Variants in ANTXR2 observed in about 807,000 individuals in gnomAD.
The protein encoded by ANTXR2 is ANTXR cell adhesion molecule 2, also known as anthrax toxin receptor 2.
Under a neutral mutation model 73.7 loss-of-function variants are expected in ANTXR2, and 44 were observed. The ratio of observed to expected loss-of-function variants is 0.60; its 90% CI spans 0.47 to 0.77. The LOEUF (loss-of-function observed/expected upper bound fraction) is 0.77, where lower values mean the gene tolerates loss of function less well. ANTXR2 is among the 30% of genes least tolerant of loss of function. The pLI is 0.00. For synonymous variants in ANTXR2, 217 were observed against 205.9 expected, an observed-to-expected ratio of 1.05 and a Z score of -0.46; for missense variants, 604 against 592.5, an observed-to-expected ratio of 1.02 and a Z score of -0.20.
intron 16 of ANTXR2, among the ~76,000 whole-genome samples, chr4:79,962,263 A>T (rs1436421280): frequency 6.6e-6 from 1 of 152,216 alleles, no homozygotes; most frequent in East Asian, 1.9e-4. Flanking sequence ...AGTTATAAAC[A>T]TGCTATATGC....
chr4:79,947,885 T>A (rs1455462686), intron 16 of ANTXR2, among the ~76,000 whole-genome samples: 1 of 152,150 alleles, frequency 6.6e-6, no homozygotes, highest in African/African-American at 2.4e-5. Flanking sequence ...TACCTTTTCA[T>A]TACTGTTATA....
chr4:79,993,760 G>GCGCGCGCGCACACACA (rs71662888), intron 12 of ANTXR2, among the ~76,000 whole-genome samples: 2,258 of 140,740 alleles, frequency 0.016, 32 homozygotes, highest in East Asian at 0.084. Flanking sequence ...ACACACACAC[G>GCGCGCGCGCACACACA]CACACACACA....
chr4:80,061,018 T>C (rs182655592), intron 3 of ANTXR2, among the ~76,000 whole-genome samples: 1 of 152,298 alleles, frequency 6.6e-6, no homozygotes. Context: ...GGAGTTCAGC[T>C]AAGACTGTTA....
intron 12 of ANTXR2, among the ~76,000 whole-genome samples, chr4:79,993,966 T>C (rs1256748080): frequency 6.6e-6 from 1 of 151,920 alleles, no homozygotes; most frequent in African/African-American, 2.4e-5. Flanking sequence ...TGGTCAATAT[T>C]TCAGTGTGGT....
At chr4:80,008,400 T>G (rs1042664823) in intron 12 of ANTXR2, 121 bp downstream of exon 12, 1 of 673,536 alleles carries the variant, frequency 1.5e-6, no homozygotes, top group African/African-American at 1.9e-5. Flanking sequence ...TGAAGACAAT[T>G]AAAATTCATT....
At position 79,978,388 on chromosome 4, in the gene ANTXR2, T is replaced by G. The variant is rs1020327050; in HGVS notation, c.1180-214A>C. Among the ~76,000 whole-genome samples the G allele has an allele frequency of 2.6e-5, 4 of 152,170 alleles. No individual in the cohort carries two copies. The East Asian group carries it at 7.7e-4, about 29-fold the overall frequency. ...AAGATCCAAAAAAAAAAAAAACCCT[T>G]TGTAAAAAAATCTGGAGCCAACTAA... On this transcript the variant is annotated intron_variant, in intron 14 of 16. Coordinates refer to ENST00000403729, the MANE Select transcript of ANTXR2 (RefSeq NM_058172.6).
At chr4:79,973,188 T>A (rs1024352781) in intron 16 of ANTXR2, among the ~76,000 whole-genome samples, 1 of 152,224 alleles carries the variant, frequency 6.6e-6, no homozygotes, top group Non-Finnish European at 1.5e-5. Context: ...TATGGTTTCC[T>A]AATACATACT....
chr4:80,028,981 G>T (rs1010450873), intron 10 of ANTXR2, among the ~76,000 whole-genome samples: 1 of 152,088 alleles, frequency 6.6e-6, no homozygotes, highest in African/African-American at 2.4e-5. Flanking sequence ...ATCCAGGAAA[G>T]GAAGACAAAA....
Position 80,024,082 on chromosome 4 carries a change from T to C in ANTXR2, c.867-5106A>G, listed in dbSNP as rs76161389. ...TAGAATTGAACTAAAATAGTGGCAA[T>C]GAGGTTAGTGTGAAAACAAAAACTG... is the stretch of plus-strand genomic sequence containing the variant. On this transcript the variant is annotated intron_variant, in intron 10 of 16. Coordinates refer to ENST00000403729, the MANE Select transcript of ANTXR2 (RefSeq NM_058172.6). Among the ~76,000 whole-genome samples the C allele has an allele frequency of 6.8e-3, 1,030 of 152,196 alleles. 8 individuals are homozygous for C. The highest frequency in any genetic ancestry group is 0.023 in the African/African-American group (970 of 41,510).
At chr4:79,989,192 A>G (rs994443435) in intron 12 of ANTXR2, among the ~76,000 whole-genome samples, 1 of 152,022 alleles carries the variant, frequency 6.6e-6, no homozygotes, top group Non-Finnish European at 1.5e-5. Context: ...ACAAAAGATC[A>G]GCAAAATCAA....
At chr4:80,025,439 T>C (rs148419461) in intron 10 of ANTXR2, among the ~76,000 whole-genome samples, 12 of 152,296 alleles carry the variant, frequency 7.9e-5, no homozygotes, top group Non-Finnish European at 1.3e-4. Flanking sequence ...CAATAAAAGA[T>C]TGTCATTTTA....
chr4:79,931,508 A>T (rs1728057282), intron 16 of ANTXR2, among the ~76,000 whole-genome samples: 1 of 143,200 alleles, frequency 7.0e-6, no homozygotes, highest in Non-Finnish European at 1.5e-5. Flanking sequence ...CCCCACCCCC[A>T]CTCCAACTTC....
chr4:80,037,150 T>G (rs1733017008), intron 7 of ANTXR2, among the ~76,000 whole-genome samples: 1 of 152,174 alleles, frequency 6.6e-6, no homozygotes, highest in Non-Finnish European at 1.5e-5. Flanking sequence ...ATATTATCAG[T>G]CAGACAAATT....
chr4:80,061,200 A>G (rs1734234823), intron 3 of ANTXR2, among the ~76,000 whole-genome samples: 1 of 152,106 alleles, frequency 6.6e-6, no homozygotes, highest in South Asian at 2.1e-4. Flanking sequence ...TTTCATGTTC[A>G]TGTCTGCTGC....
At chr4:79,915,168 T>C (rs1273293783) in intron 16 of ANTXR2, among the ~76,000 whole-genome samples, 1 of 152,064 alleles carries the variant, frequency 6.6e-6, no homozygotes, top group Non-Finnish European at 1.5e-5. Flanking sequence ...TGAAGAAAAA[T>C]GTCTGATATT....
intron 11 of ANTXR2, among the ~76,000 whole-genome samples, chr4:80,009,376 T>A (rs1277848320): frequency 6.6e-6 from 1 of 152,208 alleles, no homozygotes; most frequent in Non-Finnish European, 1.5e-5. Flanking sequence ...CCCCTTTGAT[T>A]AAACAACTCA....
chr4:80,068,196 T>C (rs1037135105), intron 3 of ANTXR2, among the ~76,000 whole-genome samples: 17 of 152,350 alleles, frequency 1.1e-4, no homozygotes, highest in Admixed American at 1.0e-3. Context: ...TTAGATATTA[T>C]GATTTCTTGA....
chr4:79,928,484 A>C (rs1727916160), intron 16 of ANTXR2, among the ~76,000 whole-genome samples: 1 of 152,230 alleles, frequency 6.6e-6, no homozygotes, highest in African/African-American at 2.4e-5. Context: ...TCGTATATTT[A>C]AAAATTATTC....
At chr4:79,975,458 A>G (rs144363859) in intron 16 of ANTXR2, among the ~76,000 whole-genome samples, 59 of 152,354 alleles carry the variant, frequency 3.9e-4, no homozygotes, top group African/African-American at 1.1e-3. Flanking sequence ...AGGAATAATG[A>G]AAGACTATAA....
Sources: allele counts gnomAD v4.1 joint callset (sites outside exome capture counted in the v4.1 genomes callset), GRCh38; gene constraint gnomAD v4.1.1; transcripts MANE v1.5; gene names NCBI Gene and HGNC (gene_info 2026-07-23, HGNC 2026-07-21).